The following ASH1L variants were observed in gnomAD, a reference collection of about 807,000 sequenced individuals.
ASH1L encodes the protein histone-lysine N-methyltransferase ASH1L.
ASH1L carries 23 observed loss-of-function variants against 269.0 expected under a neutral mutation model. The ratio of observed to expected loss-of-function variants is 0.09; its 90% CI spans 0.06 to 0.12. The LOEUF (loss-of-function observed/expected upper bound fraction) is 0.12. ASH1L is among the 10% of genes least tolerant of loss of function. The probability of loss-of-function intolerance (pLI) is 1.00; values close to 1 mark genes in which losing one functional copy is unlikely to be tolerated. For missense variants in ASH1L, 2,912 were observed against 3,567.8 expected, an observed-to-expected ratio of 0.82 and a Z score of 4.68; for synonymous variants, 1,187 against 1,253.5, an observed-to-expected ratio of 0.95 and a Z score of 1.12.
chr1:155,449,229 C>T (rs548215513), intron 4 of ASH1L, among the ~76,000 whole-genome samples: 61 of 152,244 alleles, frequency 4.0e-4, no homozygotes, highest in Non-Finnish European at 7.1e-4. Context: ...CCACCACGCC[C>T]GGCCCTATGT....
intron 4 of ASH1L, among the ~76,000 whole-genome samples, chr1:155,441,608 G>A (rs115325316): frequency 0.021 from 3,079 of 146,628 alleles, 103 homozygotes; most frequent in African/African-American, 0.074. Context: ...GACTACAGAC[G>A]CCCAGCATCA....
chr1:155,495,622 A>G (rs1044644579), intron 2 of ASH1L, among the ~76,000 whole-genome samples: 2 of 152,200 alleles, frequency 1.3e-5, no homozygotes, highest in African/African-American at 4.8e-5. Flanking sequence ...GGGCTAGGAC[A>G]TTACTGTACA....
intron 12 of ASH1L, among the ~76,000 whole-genome samples, chr1:155,363,420 T>G (rs1220489597): frequency 8.6e-5 from 13 of 151,550 alleles, no homozygotes; most frequent in Non-Finnish European, 1.9e-4. Context: ...ATTTTTGTAT[T>G]TTTAGTAAAG....
chr1:155,522,374 C>T (rs898173606), intron 1 of ASH1L, among the ~76,000 whole-genome samples: 3 of 152,114 alleles, frequency 2.0e-5, no homozygotes, highest in Non-Finnish European at 4.4e-5. Context: ...ACAAAATGAA[C>T]CCAGTTCCTA....
intron 2 of ASH1L, among the ~76,000 whole-genome samples, chr1:155,514,188 A>C (rs1160178974): frequency 1.3e-5 from 2 of 152,210 alleles, no homozygotes; most frequent in Non-Finnish European, 2.9e-5. Flanking sequence ...AAAATGTCAA[A>C]AAAAGATCCA....
At position 155,481,759 on chromosome 1, in the gene ASH1L, C is replaced by G. The variant is rs1319453709; in HGVS notation, c.1111G>C (p.Asp371His). The G allele has an allele frequency of 6.2e-7, 1 of 1,614,210 alleles. No homozygotes were observed. The highest frequency in any genetic ancestry group is 1.1e-5 in the South Asian group (1 of 91,086). Residue 371 changes from aspartate to histidine, a missense_variant, in exon 3 of 28, where the codon GAT becomes CAT. This residue lies in a region of ASH1L where 277 missense variants were observed against 367.7 expected (regional missense o/e 0.75). Coordinates refer to ENST00000392403, the MANE Select transcript of ASH1L (RefSeq NM_018489.3). ...LGTVVGLVNK[D>H]LGKKLGSTVG... ...GTAGAACCCAATTTCTTTCCCAAAT[C>G]TTTATTAACCAGTCCAACCACAGTG...
chr1:155,380,238 A>AT (rs1173404952), intron 7 of ASH1L, 122 bp from the exon 8 acceptor site: 2 of 683,720 alleles, frequency 2.9e-6, no homozygotes, highest in Non-Finnish European at 4.8e-6. Context: ...TTCTTTAAGG[A>AT]TTTTTCCATC....
At chr1:155,547,688 A>G (rs1360004377) in intron 1 of ASH1L, among the ~76,000 whole-genome samples, 1 of 151,436 alleles carries the variant, frequency 6.6e-6, no homozygotes, top group African/African-American at 2.4e-5. Flanking sequence ...ATGATGTTGC[A>G]CTCCAGCCAG....
At chr1:155,463,911 G>C (rs546596391) in intron 3 of ASH1L, among the ~76,000 whole-genome samples, 1 of 152,258 alleles carries the variant, frequency 6.6e-6, no homozygotes, top group South Asian at 2.1e-4. Context: ...CAATTAAGAA[G>C]TACTACTCAT....
intron 12 of ASH1L, among the ~76,000 whole-genome samples, chr1:155,364,773 CTACAAAAAA>C (rs1407962083): frequency 6.6e-6 from 1 of 151,762 alleles, no homozygotes; most frequent in African/African-American, 2.4e-5. Flanking sequence ...AACCCTGTCT[CTACAAAAAA>C]TACAAAAAAA....
At chr1:155,528,004 CCA>C (rs1433141237) in intron 1 of ASH1L, among the ~76,000 whole-genome samples, 1 of 152,170 alleles carries the variant, frequency 6.6e-6, no homozygotes, top group Admixed American at 6.5e-5. Context: ...ATGACCAGAT[CCA>C]GTCTTACGGC....
At chr1:155,457,075 TC>T (rs1233086868) in intron 4 of ASH1L, among the ~76,000 whole-genome samples, 1 of 152,120 alleles carries the variant, frequency 6.6e-6, no homozygotes, top group African/African-American at 2.4e-5. Flanking sequence ...TTAGCCGGGG[TC>T]CTAGAGGGAA....
intron 1 of ASH1L, among the ~76,000 whole-genome samples, chr1:155,559,023 T>C (rs140287509): frequency 0.023 from 3,369 of 148,090 alleles, 115 homozygotes; most frequent in African/African-American, 0.08. Context: ...TTTGTACTTT[T>C]AGTAGAGACG....
In ASH1L at chr1:155,346,391, C is replaced by A. The variant is rs1159310252; in HGVS notation, c.7882G>T (p.Val2628Leu). ...YLCEQCDPRPVDREVPMIPRP... is the reference protein window; with the variant it reads ...YLCEQCDPRPLDREVPMIPRP... Reference sequence around the variant, plus strand: ...TCAGAGGTTCAGCTTACCCTGTCCACAGGCCTTGGGTCACACTGCTCACAA... The same window carrying A: ...TCAGAGGTTCAGCTTACCCTGTCCAAAGGCCTTGGGTCACACTGCTCACAA... The change falls in exon 21 of 28, where the codon GTG becomes TTG. Residue 2628 changes from valine (V) to leucine (L), a missense_variant. Around this residue, in one of 13 missense-constraint regions of ASH1L, gnomAD observed 179 missense variants for 293.8 expected, o/e 0.61. Coordinates refer to ENST00000392403, the MANE Select transcript of ASH1L (RefSeq NM_018489.3). The A allele has an allele frequency of 6.2e-7, 1 of 1,613,858 alleles. No individual in the cohort carries two copies. Among genetic ancestry groups the A allele is most frequent in the Non-Finnish European group, 8.5e-7 (1 of 1,179,906 alleles).
intron 1 of ASH1L, among the ~76,000 whole-genome samples, chr1:155,558,133 TG>T (rs1386535958): frequency 6.6e-6 from 1 of 152,080 alleles, no homozygotes; most frequent in Non-Finnish European, 1.5e-5. Context: ...AAGACTCAAG[TG>T]GAATTGCTAA....
chr1:155,478,784 T>C lies in ASH1L; in HGVS notation c.4086A>G (p.Glu1362=), dbSNP rs778108919. 3.7e-6 allele frequency: 6 copies of C among 1,614,022 alleles called. No individual in the cohort carries two copies. The highest frequency in any genetic ancestry group is 5.1e-6 in the Non-Finnish European group (6 of 1,180,014). ...RPPKMREAMA[E]MPFMHSLSFP... The stretch of plus-strand genomic sequence containing the variant: ...AACTAAGGCTGTGCATAAAAGGCAT[T>C]TCAGCCATTGCCTCCCTCATCTTAG... Residue 1362 remains glutamate, a synonymous_variant, in exon 3 of 28, where the codon GAA becomes GAG. Transcript: ENST00000392403. This position sits in a 1 kb window ranked among gnomAD's most constrained non-coding sequence, Gnocchi z 4.6.
At chr1:155,383,041 A>G (rs898250503) in intron 7 of ASH1L, among the ~76,000 whole-genome samples, 4 of 152,220 alleles carry the variant, frequency 2.6e-5, no homozygotes, top group Admixed American at 6.5e-5. Context: ...GCTTTTAACT[A>G]AAAAAGTTTA....
rs1325508418 is a variant in ASH1L, at chr1:155,481,006, T to C, written c.1864A>G (p.Ile622Val). The C allele has an allele frequency of 1.2e-6, 2 of 1,614,092 alleles. No homozygotes were observed. The highest frequency in any genetic ancestry group is 2.2e-5 in the South Asian group (2 of 91,074). ...NVGHRSVGHSISIECKGIDKE... is the reference protein window; with the variant it reads ...NVGHRSVGHSVSIECKGIDKE... ...TCAATCCCTTTACATTCAATACTTA[T>C]ACTATGACCAACTGACCTATGACCA... The change falls in exon 3 of 28, where the codon ATA becomes GTA. Residue 622 changes from isoleucine (I) to valine (V), a missense_variant. Physicochemically the swap from Ile to Val is conservative, Grantham distance 29. Coordinates refer to ENST00000392403, the MANE Select transcript of ASH1L (RefSeq NM_018489.3).
In ASH1L at chr1:155,556,959, C is replaced by T. The variant is rs572365894; in HGVS notation, c.-100+5194G>A. Among the ~76,000 whole-genome samples the T allele has an allele frequency of 5.3e-4, 80 of 152,150 alleles. 1 individual carries two copies. Among genetic ancestry groups the T allele is most frequent in the African/African-American group, 1.9e-3 (79 of 41,518 alleles). On this transcript the variant is annotated intron_variant, in intron 1 of 27. Coordinates refer to ENST00000392403, the MANE Select transcript of ASH1L (RefSeq NM_018489.3). ...GGGACAATGGAAGGACTGCTTGAGC[C>T]CAAGAGGTAGAGCATGCAGTAAGTT...
Sources: gnomAD v4.1 joint callset for allele counts (sites outside exome capture counted in the v4.1 genomes callset) on GRCh38, gnomAD v4.1.1 for gene constraint, gnomAD v4.1.1 regional missense constraint, Gnocchi (gnomAD v3.1) non-coding constraint, MANE v1.5 for transcripts, NCBI Gene and HGNC (gene_info 2026-07-23, HGNC 2026-07-21) for gene names.